Variants in TMEM132C observed in about 807,000 individuals in gnomAD.
The protein encoded by TMEM132C is protein phosphatase 1, regulatory subunit 152.
A neutral mutation model predicts 61.4 loss-of-function variants in TMEM132C; 29 were observed. That is an observed-to-expected ratio of 0.47 (90% CI 0.35 to 0.64). The LOEUF is 0.64. Among genes scored for constraint, TMEM132C ranks in the 30% least tolerant of loss-of-function variants. The probability of loss-of-function intolerance (pLI) is 0.00; values close to 1 mark genes in which losing one functional copy is unlikely to be tolerated. For missense variants in TMEM132C, 1,408 were observed against 1,476.9 expected, an observed-to-expected ratio of 0.95 and a Z score of 0.76; for synonymous variants, 656 against 633.1, an observed-to-expected ratio of 1.04 and a Z score of -0.54.
chr12:128,486,793 G>A (rs1318607648), intron 2 of TMEM132C, among the ~76,000 whole-genome samples: 1 of 151,486 alleles, frequency 6.6e-6, no homozygotes, highest in Non-Finnish European at 1.5e-5. Context: ...CCGAATCTTG[G>A]CAGAGAATTT....
intron 2 of TMEM132C, among the ~76,000 whole-genome samples, chr12:128,465,025 C>T (rs1419090564): frequency 2.0e-5 from 3 of 151,960 alleles, no homozygotes; most frequent in African/African-American, 7.3e-5. Context: ...TCCCGTTTTC[C>T]CAAGACTTGG....
intron 3 of TMEM132C, among the ~76,000 whole-genome samples, chr12:128,605,960 C>T (rs75444009): frequency 0.022 from 3,426 of 152,300 alleles, 133 homozygotes; most frequent in African/African-American, 0.078. Flanking sequence ...GAACCCTCTG[C>T]CCAGCATGTT....
chr12:128,569,297 G>A (rs1372965817), intron 3 of TMEM132C, among the ~76,000 whole-genome samples: 1 of 152,206 alleles, frequency 6.6e-6, no homozygotes, highest in East Asian at 1.9e-4. Context: ...AGAAGCAGGG[G>A]CCAGTTATGA....
At chr12:128,360,245 GACACACACACAC>G (rs145728632) in intron 1 of TMEM132C, among the ~76,000 whole-genome samples, 32 of 145,994 alleles carry the variant, frequency 2.2e-4, no homozygotes, top group Non-Finnish European at 1.4e-4. Flanking sequence ...GATAAAGGAC[GACACACACACAC>G]ACACACACAC....
chr12:128,533,031 A>C (rs1021608234), intron 2 of TMEM132C, among the ~76,000 whole-genome samples: 1 of 152,104 alleles, frequency 6.6e-6, no homozygotes, highest in East Asian at 1.9e-4. Flanking sequence ...GTGGGTTTGG[A>C]TATAAGTGTG....
At chr12:128,353,420 C>T (rs554372006) in intron 1 of TMEM132C, among the ~76,000 whole-genome samples, 2 of 152,102 alleles carry the variant, frequency 1.3e-5, no homozygotes, top group African/African-American at 4.8e-5. Flanking sequence ...CGGGAGTCTG[C>T]GACTCCTTCA....
At chr12:128,531,922 A>G (rs892503337) in intron 2 of TMEM132C, among the ~76,000 whole-genome samples, 2 of 152,218 alleles carry the variant, frequency 1.3e-5, no homozygotes, top group African/African-American at 2.4e-5. Context: ...TCCTGGTGGC[A>G]GACGGGGAGA....
At chr12:128,546,447 C>G (rs138094209) in intron 3 of TMEM132C, among the ~76,000 whole-genome samples, 50 of 152,198 alleles carry the variant, frequency 3.3e-4, no homozygotes, top group Non-Finnish European at 6.6e-4. Flanking sequence ...CTCATAGTGT[C>G]GAGTCCTGAA....
intron 4 of TMEM132C, among the ~76,000 whole-genome samples, chr12:128,648,107 G>A (rs1454569594): frequency 7.2e-5 from 11 of 151,730 alleles, no homozygotes; most frequent in Non-Finnish European, 1.0e-4. Flanking sequence ...CATTGGATGT[G>A]AGTGTGTTTA....
chr12:128,392,485 G>A (rs1874799755), intron 1 of TMEM132C, among the ~76,000 whole-genome samples: 1 of 152,028 alleles, frequency 6.6e-6, no homozygotes, highest in African/African-American at 2.4e-5. Context: ...AATAAGATTT[G>A]AGTGTGAGAG....
chr12:128,520,800 T>C (rs943831110), intron 2 of TMEM132C, among the ~76,000 whole-genome samples: 1 of 152,118 alleles, frequency 6.6e-6, no homozygotes, highest in Non-Finnish European at 1.5e-5. Flanking sequence ...ACTAAGAGTT[T>C]TTAAGGATTT....
intron 3 of TMEM132C, among the ~76,000 whole-genome samples, chr12:128,562,888 C>G (rs867354492): frequency 6.6e-6 from 1 of 152,170 alleles, no homozygotes; most frequent in Admixed American, 6.6e-5. Flanking sequence ...TGGCAGGTAC[C>G]CAGACTCCTG....
chr12:128,645,986 T>C (rs918526976), intron 4 of TMEM132C, among the ~76,000 whole-genome samples: 2 of 151,794 alleles, frequency 1.3e-5, no homozygotes, highest in Non-Finnish European at 2.9e-5. Context: ...TGAGTGTGTT[T>C]ACTGGAGTCC....
chr12:128,664,378 A>G (rs1208497625), intron 4 of TMEM132C, among the ~76,000 whole-genome samples: 1 of 152,230 alleles, frequency 6.6e-6, no homozygotes, highest in Non-Finnish European at 1.5e-5. Flanking sequence ...GCTTTTTTCA[A>G]ATTTGAAATG....
In TMEM132C at chr12:128,556,229, T is replaced by C. The variant is rs143814556; in HGVS notation, c.1121+12126T>C. Among the ~76,000 whole-genome samples the C allele has an allele frequency of 1.8e-3, 272 of 152,328 alleles. 2 individuals carry two copies. The highest frequency in any genetic ancestry group is 6.4e-3 in the African/African-American group (265 of 41,576). The stretch of plus-strand genomic sequence containing the variant: ...GTGAAGGGGCTTCTCCATTGCTTGA[T>C]TCTGTTTCAAAATGCAAGCCCCACA... On this transcript the variant is annotated intron_variant, in intron 3 of 8. Transcript: ENST00000435159.
intron 2 of TMEM132C, among the ~76,000 whole-genome samples, chr12:128,535,161 G>A (rs1339492238): frequency 1.3e-5 from 2 of 152,144 alleles, no homozygotes; most frequent in Non-Finnish European, 2.9e-5. Context: ...AGAGTAGCAC[G>A]TGTATTTAGT....
chr12:128,403,530 A>G (rs764685376), intron 1 of TMEM132C, among the ~76,000 whole-genome samples: 5 of 152,198 alleles, frequency 3.3e-5, no homozygotes, highest in Middle Eastern at 3.4e-3. Context: ...GCTTGTTACT[A>G]TAACTGATGA....
chr12:128,488,558 G>A (rs1044577364), intron 2 of TMEM132C, among the ~76,000 whole-genome samples: 3 of 152,058 alleles, frequency 2.0e-5, no homozygotes, highest in African/African-American at 7.2e-5. Flanking sequence ...CTACTGGGGA[G>A]GCTGAGGCAG....
rs186623347 is a variant in TMEM132C, at chr12:128,655,216, G to T, written c.1306-14201G>T. 3.6e-3 allele frequency among the ~76,000 whole-genome samples: 545 copies of T among 152,264 alleles called. 2 individuals are homozygous for T. The highest frequency in any genetic ancestry group is 0.012 in the African/African-American group (514 of 41,556). ...GCCCTTCGCAAGCCGGCGGTAACAGGGTTCTCTTTTCTCCCCTGATGAGAG... is the reference window on the plus strand; with the variant it reads ...GCCCTTCGCAAGCCGGCGGTAACAGTGTTCTCTTTTCTCCCCTGATGAGAG... On this transcript the variant is annotated intron_variant, in intron 4 of 8. Coordinates refer to ENST00000435159, the MANE Select transcript of TMEM132C (RefSeq NM_001136103.3).
Sources: gnomAD v4.1 joint callset for allele counts (sites outside exome capture counted in the v4.1 genomes callset) on GRCh38, gnomAD v4.1.1 for gene constraint, MANE v1.5 for transcripts, NCBI Gene and HGNC (gene_info 2026-07-23, HGNC 2026-07-21) for gene names.